PSMA1: variants seen among roughly 807,000 people sequenced by gnomAD.
PSMA1 encodes the protein proteasome subunit alpha type-1.
PSMA1 carries 3 observed loss-of-function variants against 38.4 expected under a neutral mutation model. That is an observed-to-expected ratio of 0.08 (90% CI 0.04 to 0.20). The LOEUF is 0.20. Ranked by LOEUF, PSMA1 falls within the 10% of genes least tolerant of loss-of-function variation. PSMA1 has a pLI of 1.00. For synonymous variants in PSMA1, 101 were observed against 107.1 expected (o/e 0.94, Z 0.35); for missense variants, 227 against 325.3 (o/e 0.70, Z 2.32).
intron 2 of PSMA1, among the ~76,000 whole-genome samples, chr11:14,584,500 GTT>G (rs765040764): frequency 9.0e-5 from 12 of 133,666 alleles, no homozygotes; most frequent in African/African-American, 3.0e-4. Flanking sequence ...TGTTTTTTTT[GTT>G]TTTTGTTTTT....
At chr11:14,617,642 T>C (rs1462452123) in intron 1 of PSMA1, among the ~76,000 whole-genome samples, 1 of 151,708 alleles carries the variant, frequency 6.6e-6, no homozygotes, top group East Asian at 1.9e-4. Context: ...TTCAGCCTCT[T>C]TATTGTCCTT....
chr11:14,520,643 G>A (rs1419989203), upstream of PSMA1: 1 of 495,334 alleles, frequency 2.0e-6, no homozygotes, highest in African/African-American at 1.9e-5. Context: ...TTCTCCCGCT[G>A]GCGGGCTGCA....
intron 2 of PSMA1, among the ~76,000 whole-genome samples, chr11:14,584,546 C>G (rs913090216): frequency 2.0e-4 from 29 of 146,688 alleles, no homozygotes; most frequent in African/African-American, 7.5e-4. Context: ...TCCCAACCTG[C>G]ACTGCCTAAC....
chr11:14,520,303 G>T lies in PSMA1; in HGVS notation c.-4C>A. On this transcript the variant is annotated 5_prime_UTR_variant, in exon 1 of 10. Coordinates refer to ENST00000396394, the MANE Select transcript of PSMA1 (RefSeq NM_002786.4). The stretch of plus-strand genomic sequence containing the variant: ...AGATCGGGATTCAACGTACCATGGT[G>T]GCGGCGCGGGCCTGGTTGCGGCCTC... The T allele has an allele frequency of 6.2e-7, 1 of 1,614,190 alleles. No homozygotes were observed. The highest frequency in any genetic ancestry group is 8.5e-7 in the Non-Finnish European group (1 of 1,179,992).
chr11:14,600,439 C>T (rs891392072), intron 2 of PSMA1, among the ~76,000 whole-genome samples: 1 of 152,224 alleles, frequency 6.6e-6, no homozygotes, highest in Non-Finnish European at 1.5e-5. Flanking sequence ...CCTACTCAAG[C>T]CTCAGCAATG....
At chr11:14,604,126 C>G (rs1445120346) in intron 2 of PSMA1, among the ~76,000 whole-genome samples, 1 of 152,216 alleles carries the variant, frequency 6.6e-6, no homozygotes, top group African/African-American at 2.4e-5. Flanking sequence ...CATATTCATT[C>G]TTAGCTCACT....
At chr11:14,632,290 T>C (rs1431948846) in intron 1 of PSMA1, among the ~76,000 whole-genome samples, 3 of 150,532 alleles carry the variant, frequency 2.0e-5, no homozygotes, top group Non-Finnish European at 4.4e-5. Flanking sequence ...GGCATGATTT[T>C]GCAGTGGCTG....
intron 1 of PSMA1, among the ~76,000 whole-genome samples, chr11:14,616,375 G>A (rs1565059099): frequency 6.6e-6 from 1 of 151,744 alleles, no homozygotes. Context: ...GTGATTACAG[G>A]CAAGCACTAC....
chr11:14,520,133 G>A (rs535812915), intron 1 of PSMA1, 164 bp downstream of exon 1: 25 of 1,143,410 alleles, frequency 2.2e-5, no homozygotes, highest in East Asian at 4.7e-5. Context: ...CCCCTAGCCC[G>A]GCCAGGCCGG....
intron 8 of PSMA1, among the ~76,000 whole-genome samples, chr11:14,508,383 C>T (rs934928186): frequency 6.6e-5 from 10 of 151,946 alleles, no homozygotes. Flanking sequence ...CCAACCCTTC[C>T]ACCTATGTAC....
At chr11:14,540,311 C>T (rs1447729394) in intron 2 of PSMA1, among the ~76,000 whole-genome samples, 16 of 152,318 alleles carry the variant, frequency 1.1e-4, no homozygotes, top group Middle Eastern at 3.4e-3. Context: ...CTGGGTGACA[C>T]TCCTCCCAGT....
chr11:14,565,800 C>T (rs749064478), intron 2 of PSMA1, among the ~76,000 whole-genome samples: 4 of 152,096 alleles, frequency 2.6e-5, no homozygotes, highest in Admixed American at 1.3e-4. Flanking sequence ...GGTAAAGCAG[C>T]GGCAAGAAGG....
intron 2 of PSMA1, among the ~76,000 whole-genome samples, chr11:14,598,292 C>T (rs1231246649): frequency 6.6e-6 from 1 of 152,114 alleles, no homozygotes; most frequent in Non-Finnish European, 1.5e-5. Flanking sequence ...AGTTCAATTT[C>T]TGGATATGCT....
chr11:14,594,852 T>G (rs1159063399), intron 2 of PSMA1, among the ~76,000 whole-genome samples: 1 of 152,202 alleles, frequency 6.6e-6, no homozygotes, highest in Non-Finnish European at 1.5e-5. Context: ...GTTGGTTTGC[T>G]GCACTCATCA....
chr11:14,562,313 T>C (rs1464229722), intron 2 of PSMA1, among the ~76,000 whole-genome samples: 1 of 152,250 alleles, frequency 6.6e-6, no homozygotes, highest in Admixed American at 6.5e-5. Context: ...AAGCTTGTTA[T>C]AGCTTTTTTT....
At chr11:14,593,363 T>A (rs1852444900) in intron 2 of PSMA1, among the ~76,000 whole-genome samples, 1 of 152,214 alleles carries the variant, frequency 6.6e-6, no homozygotes, top group Non-Finnish European at 1.5e-5. Context: ...CCACAGAAGC[T>A]TCTTCTTTGT....
chr11:14,571,645 T>C (rs1259720391), intron 2 of PSMA1, among the ~76,000 whole-genome samples: 1 of 152,116 alleles, frequency 6.6e-6, no homozygotes, highest in African/African-American at 2.4e-5. Context: ...AATGACAGGA[T>C]CAAATTCACA....
chr11:14,534,820 G>A lies in PSMA1; in HGVS notation c.22-15779C>T, dbSNP rs186577219. ...TAGGAGGCCAGGTGCGGTGGCTCAC[G>A]CCTGTAATCCCAGCACTTTGGGAGG... On this transcript the variant is annotated intron_variant, in intron 2 of 10. Transcript: ENST00000418988. The surrounding 1 kb of genome is among the most constrained non-coding windows in gnomAD (Gnocchi z 4.5). 1.3e-5 allele frequency among the ~76,000 whole-genome samples: 2 copies of A among 152,144 alleles called. No individual in the cohort carries two copies. The highest frequency in any genetic ancestry group is 2.1e-4 in the South Asian group (1 of 4,828).
intron 2 of PSMA1, among the ~76,000 whole-genome samples, chr11:14,518,593 C>T (rs1485113807): frequency 1.3e-5 from 2 of 152,124 alleles, no homozygotes; most frequent in Non-Finnish European, 2.9e-5. Context: ...CAAAACACTA[C>T]CTGCATTATT....
Sources: gnomAD v4.1 joint callset for allele counts (sites outside exome capture counted in the v4.1 genomes callset) on GRCh38, gnomAD v4.1.1 for gene constraint, Gnocchi (gnomAD v3.1) non-coding constraint, MANE v1.5 for transcripts, NCBI Gene and HGNC (gene_info 2026-07-23, HGNC 2026-07-21) for gene names.